CEP350: variants seen among roughly 807,000 people sequenced by gnomAD.
CEP350 encodes the protein centrosomal protein 350, also known as centrosome-associated protein 350.
A neutral mutation model predicts 331.8 loss-of-function variants in CEP350; 126 were observed. The observed-to-expected ratio is 0.38, with a 90% CI of 0.33 to 0.44. The LOEUF is 0.44. CEP350 is among the 20% of genes least tolerant of loss of function. The pLI is 1.00. For missense variants in CEP350, 3,406 were observed against 3,634.6 expected (o/e 0.94, Z 1.62); for synonymous variants, 1,200 against 1,259.5 (o/e 0.95, Z 1.00).
chr1:180,055,629 C>G (rs1243892306), intron 25 of CEP350, among the ~76,000 whole-genome samples: 1 of 142,138 alleles, frequency 7.0e-6, no homozygotes, highest in East Asian at 2.2e-4. Context: ...CGGCTCACTG[C>G]AAGCTCCGCC....
At chr1:180,081,985 T>TCC in intron 30 of CEP350, among the ~76,000 whole-genome samples, 1 of 152,300 alleles carries the variant, frequency 6.6e-6, no homozygotes, top group Non-Finnish European at 1.5e-5. Context: ...TGGTGAAAAA[T>TCC]TACTTCCAAG....
At chr1:179,970,160 G>A (rs567958983) in intron 1 of CEP350, among the ~76,000 whole-genome samples, 60 of 152,304 alleles carry the variant, frequency 3.9e-4, no homozygotes, top group African/African-American at 1.4e-3. Flanking sequence ...TATTTCATCA[G>A]TGTGGGACAT....
intron 16 of CEP350, among the ~76,000 whole-genome samples, chr1:180,034,865 T>C (rs896289886): frequency 6.6e-6 from 1 of 152,140 alleles, no homozygotes; most frequent in Non-Finnish European, 1.5e-5. Flanking sequence ...TCTCTAAGTA[T>C]TCACGTGAGA....
chr1:180,003,298 A>C lies in CEP350; in HGVS notation c.1132+11A>C. The C allele has an allele frequency of 6.6e-7, 1 of 1,526,712 alleles. No homozygotes were observed. Among genetic ancestry groups the C allele is most frequent in the Non-Finnish European group, 9.0e-7 (1 of 1,112,174 alleles). The allele number at this position is 1,526,712 out of a possible 1,614,324, so 94.6% of individuals were successfully genotyped here. ...CACTTCACTTTGCAGGTGAGAATAG[A>C]GCTTTCTTATGTTTTGAGTATTTTG... On this transcript the variant is annotated intron_variant, in intron 7 of 37. Coordinates refer to ENST00000367607, the MANE Select transcript of CEP350 (RefSeq NM_014810.5).
At chr1:180,051,557 A>G (rs1657503507) in intron 22 of CEP350, among the ~76,000 whole-genome samples, 1 of 152,206 alleles carries the variant, frequency 6.6e-6, no homozygotes, top group Non-Finnish European at 1.5e-5. Flanking sequence ...GATGCTATGT[A>G]TTTGTCAAAA....
chr1:180,094,417 A>T lies in CEP350; in HGVS notation c.8312A>T (p.Gln2771Leu), dbSNP rs1157633160. ...GTAAAGGACACAGTCAATCAACTACAACAAATCAAAAAAACCAGGGATGAG... is the reference window on the plus strand; with the variant it reads ...GTAAAGGACACAGTCAATCAACTACTACAAATCAAAAAAACCAGGGATGAG... ...VFVKDTVNQL[Q>L]QIKKTRDEKI... Residue 2771 changes from glutamine (Q) to leucine (L), a missense_variant, in exon 34 of 38, where the codon CAA becomes CTA. By Grantham distance (113) the Gln-to-Leu change is moderately radical. Transcript: ENST00000367607. 1 of 1,613,716 alleles carries T rather than the reference A, an allele frequency of 6.2e-7. No homozygotes were observed. The highest frequency in any genetic ancestry group is 8.5e-7 in the Non-Finnish European group (1 of 1,179,822).
At position 180,093,989 on chromosome 1, in the gene CEP350, T is replaced by C; in HGVS notation, c.7884T>C (p.Asn2628=). The C allele has an allele frequency of 1.9e-6, 3 of 1,613,840 alleles. No individual in the cohort carries two copies. Among genetic ancestry groups the C allele is most frequent in the Non-Finnish European group, 2.5e-6 (3 of 1,179,814 alleles). Residue 2628 remains asparagine (N), a synonymous_variant, in exon 34 of 38, where the codon AAT becomes AAC. Transcript: ENST00000367607. ...PSVNDIEASV[N]RSRSLKIETD... ...TGAATGATATAGAAGCCTCAGTTAATAGAAGTAGAAGCCTTAAAATAGAAA... is the reference window on the plus strand; with the variant it reads ...TGAATGATATAGAAGCCTCAGTTAACAGAAGTAGAAGCCTTAAAATAGAAA...
chr1:180,079,954 G>C (rs1026281197), intron 29 of CEP350, among the ~76,000 whole-genome samples: 2 of 152,016 alleles, frequency 1.3e-5, no homozygotes, highest in Non-Finnish European at 2.9e-5. Flanking sequence ...TTTAACCCTC[G>C]CAAGAATCCT....
chr1:180,063,383 G>A (rs1658359164), intron 26 of CEP350, among the ~76,000 whole-genome samples: 1 of 151,396 alleles, frequency 6.6e-6, no homozygotes, highest in Non-Finnish European at 1.5e-5. Flanking sequence ...TATAGAGATG[G>A]AGTTTCGCCA....
intron 6 of CEP350, among the ~76,000 whole-genome samples, chr1:179,998,471 A>G (rs1653635240): frequency 6.6e-6 from 1 of 151,280 alleles, no homozygotes; most frequent in Non-Finnish European, 1.5e-5. Context: ...ATGCCCAGCT[A>G]ATTTTTGTAT....
chr1:180,015,486 G>T (rs1218980206), intron 10 of CEP350, among the ~76,000 whole-genome samples: 1 of 151,872 alleles, frequency 6.6e-6, no homozygotes, highest in South Asian at 2.1e-4. Context: ...CGCCCGCCTC[G>T]GCCTCCCAAA....
chr1:180,035,944 T>C (rs1656323702), intron 16 of CEP350, among the ~76,000 whole-genome samples: 1 of 152,216 alleles, frequency 6.6e-6, no homozygotes, highest in Admixed American at 6.5e-5. Flanking sequence ...AGTAAATTGA[T>C]CACCTTCTGG....
intron 3 of CEP350, among the ~76,000 whole-genome samples, chr1:179,987,919 A>T (rs1652756909): frequency 6.6e-6 from 1 of 152,128 alleles, no homozygotes; most frequent in Non-Finnish European, 1.5e-5. Flanking sequence ...TGAATGACAG[A>T]GCAAGACCCT....
chr1:179,970,106 A>G (rs1254475967), intron 1 of CEP350, among the ~76,000 whole-genome samples: 1 of 152,132 alleles, frequency 6.6e-6, no homozygotes, highest in Non-Finnish European at 1.5e-5. Context: ...CAGCTCTCCT[A>G]AAATAAAAAA....
chr1:180,107,176 C>T (rs907787838), intron 37 of CEP350, among the ~76,000 whole-genome samples: 1 of 152,056 alleles, frequency 6.6e-6, no homozygotes, highest in Non-Finnish European at 1.5e-5. Flanking sequence ...TTGCACTGTC[C>T]TAGTCATGAG....
chr1:179,991,343 G>T (rs1653048456), intron 4 of CEP350, among the ~76,000 whole-genome samples: 1 of 131,022 alleles, frequency 7.6e-6, no homozygotes. Flanking sequence ...TTGAGACAGA[G>T]TCTCACTCTG....
intron 21 of CEP350, among the ~76,000 whole-genome samples, chr1:180,047,757 CAAAA>C (rs5779043): frequency 1.4e-5 from 1 of 74,046 alleles, no homozygotes; most frequent in African/African-American, 6.5e-5. Flanking sequence ...TGAAACTCCT[CAAAA>C]AAAAAAAAAA....
At chr1:180,062,001 T>C (rs934584249) in intron 25 of CEP350, among the ~76,000 whole-genome samples, 9 of 152,162 alleles carry the variant, frequency 5.9e-5, no homozygotes, top group African/African-American at 2.2e-4. Flanking sequence ...CTAATTATAA[T>C]TTAAAATTAA....
intron 13 of CEP350, among the ~76,000 whole-genome samples, chr1:180,023,728 T>A (rs535596375): frequency 6.6e-6 from 1 of 152,194 alleles, no homozygotes; most frequent in Non-Finnish European, 1.5e-5. Flanking sequence ...TTGTACATAG[T>A]CACATAGTAA....
Sources: gnomAD v4.1 joint callset for allele counts (sites outside exome capture counted in the v4.1 genomes callset) on GRCh38, gnomAD v4.1.1 for gene constraint, MANE v1.5 for transcripts, NCBI Gene and HGNC (gene_info 2026-07-23, HGNC 2026-07-21) for gene names.